Variants in AIG1 observed in about 807,000 individuals in gnomAD.
AIG1 encodes androgen induced 1, also known as androgen-induced gene 1 protein.
In AIG1, 23 loss-of-function variants were observed where a neutral mutation model predicts 31.4. That is an observed-to-expected ratio of 0.73 (90% CI 0.53 to 1.04). The LOEUF (loss-of-function observed/expected upper bound fraction) is 1.04. Among genes scored for constraint, AIG1 ranks in the 50% least tolerant of loss-of-function variants. The pLI, the probability that AIG1 is intolerant of heterozygous loss-of-function variation, is 0.00. For synonymous variants in AIG1, 100 were observed against 110.5 expected (o/e 0.90, Z 0.60); for missense variants, 274 against 295.0 (o/e 0.93, Z 0.52).
At chr6:143,153,183 T>C (rs1706699107) in intron 2 of AIG1, among the ~76,000 whole-genome samples, 1 of 151,794 alleles carries the variant, frequency 6.6e-6, no homozygotes, top group African/African-American at 2.4e-5. Context: ...AAAATTTGAG[T>C]AGGGAAGGAA....
upstream of AIG1, chr6:143,060,862 G>GCGCCCGGCGCCTCCCTCA (rs1776171198): frequency 1.7e-6 from 2 of 1,146,818 alleles, no homozygotes; most frequent in East Asian, 4.3e-5. Context: ...CCGCCCCCGC[G>GCGCCCGGCGCCTCCCTCA]CGCCCGGCGC....
At chr6:143,178,069 G>A (rs1196024399) in intron 3 of AIG1, among the ~76,000 whole-genome samples, 2 of 152,218 alleles carry the variant, frequency 1.3e-5, no homozygotes, top group Non-Finnish European at 2.9e-5. Flanking sequence ...AGCAGCAGCA[G>A]GCTTCAGGCA....
intron 5 of AIG1, among the ~76,000 whole-genome samples, chr6:143,337,788 T>C (rs1346142684): frequency 1.3e-5 from 2 of 152,010 alleles, no homozygotes; most frequent in Non-Finnish European, 2.9e-5. Context: ...GGTGGAGCCC[T>C]CCACCGGCCT....
At chr6:143,109,967 T>C (rs1299048234) in intron 1 of AIG1, among the ~76,000 whole-genome samples, 1 of 152,234 alleles carries the variant, frequency 6.6e-6, no homozygotes, top group African/African-American at 2.4e-5. Flanking sequence ...GTCATGAAGA[T>C]ATTCTCCTCT....
At chr6:143,269,943 C>T (rs1796396192) in intron 3 of AIG1, among the ~76,000 whole-genome samples, 1 of 152,140 alleles carries the variant, frequency 6.6e-6, no homozygotes, top group Non-Finnish European at 1.5e-5. Context: ...TCTGGACACT[C>T]ACTATTTGTG....
At chr6:143,322,527 A>G (rs984144271) in intron 4 of AIG1, among the ~76,000 whole-genome samples, 18 of 152,170 alleles carry the variant, frequency 1.2e-4, no homozygotes, top group African/African-American at 4.3e-4. Context: ...AGAAGCTCCA[A>G]ATGATTCCAG....
At chr6:143,313,659 A>G (rs561472920) in intron 4 of AIG1, among the ~76,000 whole-genome samples, 3 of 152,240 alleles carry the variant, frequency 2.0e-5, no homozygotes, top group African/African-American at 7.2e-5. Flanking sequence ...AAGGGTAACT[A>G]TAGTCAATAA....
chr6:143,073,981 C>T lies in AIG1; in HGVS notation c.141+12915C>T, dbSNP rs150094237. Among the ~76,000 whole-genome samples, 461 of 152,274 alleles carry T rather than the reference C, an allele frequency of 3.0e-3. 1 individual carries two copies. Among genetic ancestry groups the T allele is most frequent in the African/African-American group, 0.01 (424 of 41,562 alleles). On this transcript the variant is annotated intron_variant, in intron 1 of 5. Coordinates refer to ENST00000357847, the MANE Select transcript of AIG1 (RefSeq NM_016108.4). Reference sequence around the variant, plus strand: ...TGAGATTTAGGCAGGAAAACACATTCGAACTATATCAGTGATATTGAGCAC... The same window carrying T: ...TGAGATTTAGGCAGGAAAACACATTTGAACTATATCAGTGATATTGAGCAC...
At chr6:143,183,367 T>C (rs1788922090) in intron 3 of AIG1, among the ~76,000 whole-genome samples, 1 of 152,178 alleles carries the variant, frequency 6.6e-6, no homozygotes, top group Non-Finnish European at 1.5e-5. Context: ...AGCTAATTTT[T>C]GTATTTTTAG....
chr6:143,271,553 T>G (rs770610397), intron 3 of AIG1, among the ~76,000 whole-genome samples: 1 of 152,200 alleles, frequency 6.6e-6, no homozygotes, highest in African/African-American at 2.4e-5. Context: ...AAGGGTAAAT[T>G]AAAACCATTT....
intron 3 of AIG1, chr6:143,190,731 G>A: frequency 2.1e-6 from 1 of 469,446 alleles, no homozygotes; most frequent in African/African-American, 2.1e-5. Flanking sequence ...TCTTATCATT[G>A]CAAACTCTCA....
intron 4 of AIG1, among the ~76,000 whole-genome samples, chr6:143,311,406 T>C (rs1775264125): frequency 1.3e-5 from 2 of 151,854 alleles, no homozygotes; most frequent in Admixed American, 6.6e-5. Flanking sequence ...CATAAATATA[T>C]GTACAAATAT....
chr6:143,123,086 T>C (rs1782378648), intron 1 of AIG1, among the ~76,000 whole-genome samples: 2 of 152,154 alleles, frequency 1.3e-5, no homozygotes, highest in African/African-American at 4.8e-5. Flanking sequence ...AAATATACTA[T>C]TATGGCATCC....
rs1776824318 is a variant in AIG1, at chr6:143,328,783, T to A, written c.516-4499T>A. On this transcript the variant is annotated intron_variant, in intron 4 of 5. Transcript: ENST00000357847. This position sits in a 1 kb window ranked among gnomAD's most constrained non-coding sequence, Gnocchi z 4.0. ...TGAATGCAAACGGAGGTACATTTAA[T>A]AAAATAGACCATCCAAAAATCTTAT... Among the ~76,000 whole-genome samples, 1 of 152,230 alleles carries A rather than the reference T, an allele frequency of 6.6e-6. No homozygotes were observed. Among genetic ancestry groups the A allele is most frequent in the African/African-American group, 2.4e-5 (1 of 41,470 alleles).
At chr6:143,147,818 C>T (rs778324788) in intron 2 of AIG1, among the ~76,000 whole-genome samples, 5 of 152,078 alleles carry the variant, frequency 3.3e-5, no homozygotes, top group Admixed American at 6.5e-5. Flanking sequence ...CCCAAGGTGG[C>T]AAAACCTACA....
At chr6:143,091,692 C>T (rs1285563586) in intron 1 of AIG1, among the ~76,000 whole-genome samples, 1 of 152,106 alleles carries the variant, frequency 6.6e-6, no homozygotes, top group Non-Finnish European at 1.5e-5. Context: ...ATAGAAATGG[C>T]TCTGCGAAAC....
rs75183220 is a variant in AIG1, at chr6:143,327,799, T to G, written c.516-5483T>G. The G allele has an allele frequency of 0.014, 2,491 of 172,304 alleles. 71 individuals are homozygous for G. The highest frequency in any genetic ancestry group is 0.056 in the African/African-American group (2,330 of 41,696). The allele number at this position is 172,304 out of a possible 1,614,324, so 10.7% of individuals were successfully genotyped here. On this transcript the variant is annotated intron_variant, in intron 4 of 5. Transcript: ENST00000357847. This position sits in a 1 kb window ranked among gnomAD's most constrained non-coding sequence, Gnocchi z 5.3. ...AGTTACAAAACTGAATGAATGATAG[T>G]ACTATTTGCAGAAATAAGAAATACT...
chr6:143,342,170 G>A (rs1053104877), downstream of AIG1: 4 of 580,700 alleles, frequency 6.9e-6, no homozygotes, highest in South Asian at 3.6e-5. Context: ...GTGATCACCC[G>A]CCTTGGCCTC....
chr6:143,222,188 C>T (rs1043223539), intron 3 of AIG1, among the ~76,000 whole-genome samples: 4 of 152,044 alleles, frequency 2.6e-5, no homozygotes, highest in Non-Finnish European at 5.9e-5. Context: ...TCACGTAGTA[C>T]GTTAAAGAGA....
Sources: gnomAD v4.1 joint callset for allele counts (sites outside exome capture counted in the v4.1 genomes callset) on GRCh38, gnomAD v4.1.1 for gene constraint, Gnocchi (gnomAD v3.1) non-coding constraint, MANE v1.5 for transcripts, NCBI Gene and HGNC (gene_info 2026-07-23, HGNC 2026-07-21) for gene names.